PALLD: variants seen among roughly 807,000 people sequenced by gnomAD.
The protein encoded by PALLD is palladin, cytoskeletal associated protein.
Under a neutral mutation model 123.5 loss-of-function variants are expected in PALLD, and 61 were observed. The ratio of observed to expected loss-of-function variants is 0.49; its 90% CI spans 0.40 to 0.61. PALLD has a LOEUF of 0.61. Among genes scored for constraint, PALLD ranks in the 20% least tolerant of loss-of-function variants. The pLI is 0.00. For synonymous variants in PALLD, 465 were observed against 496.4 expected, an observed-to-expected ratio of 0.94 and a Z score of 0.84; for missense variants, 1,273 against 1,377.0, an observed-to-expected ratio of 0.92 and a Z score of 1.20.
At position 168,746,648 on chromosome 4, in the gene PALLD, T is replaced by A. The variant is rs565851685; in HGVS notation, c.1964+34725T>A. Among the ~76,000 whole-genome samples, 56 of 152,294 alleles carry A rather than the reference T, an allele frequency of 3.7e-4. 2 individuals carry two copies. The highest frequency in any genetic ancestry group is 9.2e-4 in the Admixed American group (14 of 15,290). ...ATTTTCTTCCCTGGGCGGAAAAAATTATGAACCATGGTTCTTGTGAAAGTT... is the reference window on the plus strand; with the variant it reads ...ATTTTCTTCCCTGGGCGGAAAAAATAATGAACCATGGTTCTTGTGAAAGTT... On this transcript the variant is annotated intron_variant, in intron 10 of 21. Transcript: ENST00000505667.
rs572215448 is a variant in PALLD at position 168,679,471 on chromosome 4, TG to T, written c.1088-1854del. 8.0e-3 allele frequency among the ~76,000 whole-genome samples: 451 copies of T among 56,230 alleles called. 6 individuals are homozygous for T. The highest frequency in any genetic ancestry group is 0.032 in the African/African-American group (404 of 12,692). 36.9% of individuals were successfully genotyped at this position (56,230 alleles called of 152,430 possible). A position where few individuals can be genotyped will look rare whatever the true frequency, so the allele number is the denominator to read the frequency against. On this transcript the variant is annotated intron_variant, in intron 3 of 21. Transcript: ENST00000505667. ...GTGGTGGGGTGAGTATGGACGTGTG[TG>T]GGGGGGTGTGGTGTGTGGTGGGGTG...
intron 8 of PALLD, among the ~76,000 whole-genome samples, chr4:168,697,071 A>C (rs2150144310): frequency 6.6e-6 from 1 of 152,310 alleles, no homozygotes; most frequent in South Asian, 2.1e-4. Flanking sequence ...AGAAAACATC[A>C]GGTTATATAT....
intron 2 of PALLD, among the ~76,000 whole-genome samples, chr4:168,658,842 T>C (rs917122493): frequency 2.0e-5 from 3 of 152,218 alleles, no homozygotes. Flanking sequence ...GGGCTTTGAA[T>C]TTCAAAAAGC....
intron 2 of PALLD, among the ~76,000 whole-genome samples, chr4:168,612,391 A>G (rs1011710448): frequency 6.6e-6 from 1 of 152,082 alleles, no homozygotes; most frequent in Non-Finnish European, 1.5e-5. Context: ...GATAATTCTG[A>G]TCCCAGAGAC....
At chr4:168,819,428 A>C (rs1488987025) in intron 10 of PALLD, among the ~76,000 whole-genome samples, 2 of 152,000 alleles carry the variant, frequency 1.3e-5, no homozygotes, top group African/African-American at 2.4e-5. Flanking sequence ...GCCCAGGATT[A>C]AACACCGTCA....
chr4:168,521,194 A>T (rs1211254382), intron 2 of PALLD, among the ~76,000 whole-genome samples: 4 of 152,198 alleles, frequency 2.6e-5, no homozygotes, highest in Non-Finnish European at 5.9e-5. Context: ...AACAAAAAAA[A>T]ACAAAACACC....
intron 10 of PALLD, among the ~76,000 whole-genome samples, chr4:168,769,060 T>A (rs912679525): frequency 6.6e-6 from 1 of 152,236 alleles, no homozygotes; most frequent in African/African-American, 2.4e-5. Flanking sequence ...TCTGACCTCG[T>A]GATCCGCCCC....
At chr4:168,714,847 T>C (rs1355006134) in intron 10 of PALLD, among the ~76,000 whole-genome samples, 6 of 150,322 alleles carry the variant, frequency 4.0e-5, no homozygotes, top group Non-Finnish European at 7.4e-5. Flanking sequence ...GGAAAGAAGA[T>C]CATTTTCAAA....
intron 2 of PALLD, among the ~76,000 whole-genome samples, chr4:168,528,320 G>C (rs1426294673): frequency 6.6e-6 from 1 of 152,062 alleles, no homozygotes; most frequent in African/African-American, 2.4e-5. Context: ...ATTATTTCTC[G>C]CTGTTTGCTT....
intron 2 of PALLD, among the ~76,000 whole-genome samples, chr4:168,587,113 G>A (rs1012591534): frequency 1.1e-4 from 17 of 152,146 alleles, no homozygotes; most frequent in African/African-American, 3.9e-4. Flanking sequence ...ACCCCCCGAC[G>A]ACAAAGAATT....
intron 10 of PALLD, among the ~76,000 whole-genome samples, chr4:168,772,124 T>C (rs1734543257): frequency 6.6e-6 from 1 of 152,092 alleles, no homozygotes; most frequent in Non-Finnish European, 1.5e-5. Flanking sequence ...CCTTGCGAAA[T>C]AGGACTATTT....
chr4:168,639,274 G>GTA (rs1776656867), intron 2 of PALLD, among the ~76,000 whole-genome samples: 1 of 152,224 alleles, frequency 6.6e-6, no homozygotes, highest in Non-Finnish European at 1.5e-5. Context: ...GCCCAGACAA[G>GTA]TTAATTTACT....
At chr4:168,894,996 C>T (rs113132683) in intron 12 of PALLD, among the ~76,000 whole-genome samples, 2 of 152,184 alleles carry the variant, frequency 1.3e-5, no homozygotes, top group Admixed American at 6.5e-5. Context: ...CACATTTTCG[C>T]CGACATTGTC....
At chr4:168,641,485 C>T (rs1046646869) in intron 2 of PALLD, among the ~76,000 whole-genome samples, 3 of 152,278 alleles carry the variant, frequency 2.0e-5, no homozygotes, top group South Asian at 2.1e-4. Context: ...AGAGGGCTCT[C>T]TGATGACCCT....
At chr4:168,799,789 A>G (rs1739054918) in intron 10 of PALLD, among the ~76,000 whole-genome samples, 1 of 115,456 alleles carries the variant, frequency 8.7e-6, no homozygotes, top group African/African-American at 2.6e-5. Context: ...CTTAAACATT[A>G]TATTCTTTTC....
Position 168,888,527 on chromosome 4 carries a change from G to A in PALLD, c.1965-2395G>A, listed in dbSNP as rs369060678. ...TTACAGTTATGGAGTGAACAATGCC[G>A]CTTTTGACATTGCATTTCTGACACA... On this transcript the variant is annotated intron_variant, in intron 10 of 21. Coordinates refer to ENST00000505667, the MANE Select transcript of PALLD (RefSeq NM_001166108.2). Among the ~76,000 whole-genome samples, 20 of 152,254 alleles carry A rather than the reference G, an allele frequency of 1.3e-4. No homozygotes were observed. The East Asian group carries it at 1.9e-3, about 15-fold the overall frequency.
chr4:168,835,607 A>T (rs1221879019), intron 10 of PALLD, among the ~76,000 whole-genome samples: 2 of 148,754 alleles, frequency 1.3e-5, no homozygotes, highest in African/African-American at 2.4e-5. Context: ...GATTTTTTTT[A>T]AAAAACAGGG....
intron 20 of PALLD, 66 bp from the exon 21 acceptor site, chr4:168,925,167 T>TAAA: frequency 6.3e-7 from 1 of 1,582,682 alleles, no homozygotes; most frequent in East Asian, 2.2e-5. Context: ...TTACTCTTTA[T>TAAA]AAACAACTAT....
intron 2 of PALLD, among the ~76,000 whole-genome samples, chr4:168,642,475 T>C (rs2710837): frequency 0.6 from 90,983 of 152,046 alleles, 28,753 homozygotes; most frequent in African/African-American, 0.82. Context: ...GATCTTAGCT[T>C]ACTGCAATCT....
Sources: gnomAD v4.1 joint callset for allele counts (sites outside exome capture counted in the v4.1 genomes callset) on GRCh38, gnomAD v4.1.1 for gene constraint, MANE v1.5 for transcripts, NCBI Gene and HGNC (gene_info 2026-07-23, HGNC 2026-07-21) for gene names.